Variants in RUNX1 observed in about 807,000 individuals in gnomAD.
RUNX1 encodes the protein runt-related transcription factor 1.
A neutral mutation model predicts 42.8 loss-of-function variants in RUNX1; 19 were observed. That is an observed-to-expected ratio of 0.44 (90% CI 0.31 to 0.65). The LOEUF (loss-of-function observed/expected upper bound fraction) is 0.65, where lower values mean the gene tolerates loss of function less well. Ranked by LOEUF, RUNX1 falls within the 30% of genes least tolerant of loss-of-function variation. The pLI is 0.07. For missense variants in RUNX1, 528 were observed against 672.0 expected, an observed-to-expected ratio of 0.79 and a Z score of 2.37; for synonymous variants, 271 against 289.4, an observed-to-expected ratio of 0.94 and a Z score of 0.64.
At chr21:34,800,671 T>C (rs527910787) in intron 7 of RUNX1, among the ~76,000 whole-genome samples, 1 of 152,366 alleles carries the variant, frequency 6.6e-6, no homozygotes, top group Admixed American at 6.5e-5. Flanking sequence ...CCTTTCTGTT[T>C]ATCTCTTTGA....
At chr21:34,833,783 T>A (rs1171806065) in intron 7 of RUNX1, 2 of 198,302 alleles carry the variant, frequency 1.0e-5, no homozygotes, top group East Asian at 1.1e-4. Flanking sequence ...TATTATCTAA[T>A]TTGGCACAGT....
intron 2 of RUNX1, among the ~76,000 whole-genome samples, chr21:35,022,256 G>T (rs987120173): frequency 6.6e-6 from 1 of 152,190 alleles, no homozygotes; most frequent in Non-Finnish European, 1.5e-5. Flanking sequence ...TCTGCACCAG[G>T]TGTGTGCAGG....
At chr21:34,886,401 G>A (rs1273404930) in intron 4 of RUNX1, among the ~76,000 whole-genome samples, 1 of 152,202 alleles carries the variant, frequency 6.6e-6, no homozygotes, top group Admixed American at 6.5e-5. Context: ...TGACTTGAAG[G>A]CAGAAAAGTC....
chr21:35,024,016 C>A (rs1266731699), intron 2 of RUNX1, among the ~76,000 whole-genome samples: 2 of 151,140 alleles, frequency 1.3e-5, no homozygotes, highest in Non-Finnish European at 2.9e-5. Flanking sequence ...TAAATAAATA[C>A]AAATCAATAA....
rs143514767 is a variant in RUNX1 at position 34,822,280 on chromosome 21, C to G, written c.805+12130G>C. Among the ~76,000 whole-genome samples the G allele has an allele frequency of 2.0e-5, 3 of 152,300 alleles. No homozygotes were observed. The East Asian group carries it at 5.8e-4, about 29-fold the overall frequency. On this transcript the variant is annotated intron_variant, in intron 7 of 8. Transcript: ENST00000675419. The stretch of plus-strand genomic sequence containing the variant: ...CAGGACCTTCCGGGCAATGCTTCCC[C>G]CTAACCATGTCATGCACCTACAGGT...
intron 7 of RUNX1, among the ~76,000 whole-genome samples, chr21:34,808,564 CCT>C (rs2056715383): frequency 6.6e-6 from 1 of 152,204 alleles, no homozygotes; most frequent in Non-Finnish European, 1.5e-5. Flanking sequence ...TCTTTTCAAA[CCT>C]CTGTTTCCTC....
chr21:34,876,017 T>C (rs986422576), intron 5 of RUNX1, among the ~76,000 whole-genome samples: 4 of 152,342 alleles, frequency 2.6e-5, no homozygotes, highest in Admixed American at 6.5e-5. Flanking sequence ...TATAAATGTG[T>C]TGGGAAAGGA....
intron 2 of RUNX1, among the ~76,000 whole-genome samples, chr21:34,950,961 T>G (rs2058602618): frequency 6.6e-6 from 1 of 152,250 alleles, no homozygotes; most frequent in Non-Finnish European, 1.5e-5. Flanking sequence ...TGACATTTAG[T>G]GAACGATTGC....
At chr21:35,014,088 C>G (rs1054187757) in intron 2 of RUNX1, among the ~76,000 whole-genome samples, 8 of 152,156 alleles carry the variant, frequency 5.3e-5, no homozygotes, top group African/African-American at 1.9e-4. Flanking sequence ...ATGTTAACTT[C>G]TTTAAACATG....
intron 7 of RUNX1, among the ~76,000 whole-genome samples, chr21:34,802,048 G>T (rs1313600636): frequency 6.6e-6 from 1 of 152,198 alleles, no homozygotes; most frequent in Non-Finnish European, 1.5e-5. Context: ...GTCCTACACA[G>T]TATTTCTTTG....
chr21:35,009,520 T>C (rs2059110262), intron 2 of RUNX1, among the ~76,000 whole-genome samples: 2 of 152,174 alleles, frequency 1.3e-5, no homozygotes, highest in Non-Finnish European at 2.9e-5. Context: ...ATTATATTCC[T>C]GGGATAAGAC....
intron 2 of RUNX1, among the ~76,000 whole-genome samples, chr21:34,972,101 C>T (rs1015097737): frequency 2.6e-5 from 4 of 152,162 alleles, no homozygotes; most frequent in African/African-American, 9.7e-5. Flanking sequence ...GTAGTTCATT[C>T]CATTTATATG....
At chr21:35,024,427 T>A (rs935230569) in intron 2 of RUNX1, among the ~76,000 whole-genome samples, 2 of 152,214 alleles carry the variant, frequency 1.3e-5, no homozygotes, top group African/African-American at 4.8e-5. Flanking sequence ...ATTTGGAATC[T>A]CTCTCTCATA....
chr21:35,029,853 G>C (rs899671516), intron 2 of RUNX1, among the ~76,000 whole-genome samples: 1 of 152,142 alleles, frequency 6.6e-6, no homozygotes, highest in Non-Finnish European at 1.5e-5. Context: ...GTAATAGTAC[G>C]AGGTTGGATT....
intron 2 of RUNX1, among the ~76,000 whole-genome samples, chr21:35,046,535 A>G (rs1411285677): frequency 1.3e-5 from 2 of 152,210 alleles, no homozygotes; most frequent in South Asian, 2.1e-4. Context: ...CTATGGCAAC[A>G]GGCTGAGAAC....
chr21:34,937,473 T>C (rs987565571), intron 2 of RUNX1, among the ~76,000 whole-genome samples: 10 of 152,052 alleles, frequency 6.6e-5, no homozygotes, highest in Non-Finnish European at 1.5e-4. Context: ...TTTATCTCCT[T>C]TGTAAGATAC....
intron 2 of RUNX1, among the ~76,000 whole-genome samples, chr21:35,004,677 C>G (rs1195955423): frequency 6.6e-6 from 1 of 152,198 alleles, no homozygotes; most frequent in Non-Finnish European, 1.5e-5. Flanking sequence ...TACCCCACTT[C>G]TAATGCTTCT....
intron 8 of RUNX1, among the ~76,000 whole-genome samples, chr21:34,796,938 G>A (rs1230024476): frequency 6.6e-6 from 1 of 152,248 alleles, no homozygotes; most frequent in African/African-American, 2.4e-5. Context: ...AGGTGGGGCT[G>A]GGGCCGGGAA....
At chr21:35,008,937 A>G (rs2059104975) in intron 2 of RUNX1, among the ~76,000 whole-genome samples, 1 of 152,220 alleles carries the variant, frequency 6.6e-6, no homozygotes, top group South Asian at 2.1e-4. Flanking sequence ...GAAAAGAAAA[A>G]CAGCAACAAC....
Sources: gnomAD v4.1 joint callset for allele counts (sites outside exome capture counted in the v4.1 genomes callset) on GRCh38, gnomAD v4.1.1 for gene constraint, MANE v1.5 for transcripts, NCBI Gene and HGNC (gene_info 2026-07-23, HGNC 2026-07-21) for gene names.